Variants in PLXDC2 observed in about 807,000 individuals in gnomAD.
PLXDC2 encodes plexin domain containing 2.
A neutral mutation model predicts 68.9 loss-of-function variants in PLXDC2; 40 were observed. The observed-to-expected ratio is 0.58, with a 90% CI of 0.45 to 0.76. The LOEUF (loss-of-function observed/expected upper bound fraction) is 0.76. PLXDC2 is among the 30% of genes least tolerant of loss of function. The pLI, the probability that PLXDC2 is intolerant of heterozygous loss-of-function variation, is 0.00. For missense variants in PLXDC2, 644 were observed against 661.9 expected (o/e 0.97, Z 0.30); for synonymous variants, 243 against 234.2 (o/e 1.04, Z -0.34).
chr10:20,148,947 A>G (rs1027954763), intron 6 of PLXDC2, among the ~76,000 whole-genome samples: 2 of 152,164 alleles, frequency 1.3e-5, no homozygotes, highest in African/African-American at 4.8e-5. Flanking sequence ...TAACCATGTC[A>G]GATATTTCTA....
At chr10:20,236,554 A>G (rs1308538344) in intron 12 of PLXDC2, among the ~76,000 whole-genome samples, 5 of 152,230 alleles carry the variant, frequency 3.3e-5, no homozygotes, top group Non-Finnish European at 7.3e-5. Flanking sequence ...GATGTCATAA[A>G]GATCTTGACT....
chr10:19,901,059 A>G (rs1470710366), intron 1 of PLXDC2, among the ~76,000 whole-genome samples: 1 of 151,182 alleles, frequency 6.6e-6, no homozygotes, highest in African/African-American at 2.4e-5. Context: ...AAAACAATTT[A>G]TTTATATACT....
chr10:20,027,920 CAAA>C (rs776962854), intron 2 of PLXDC2, among the ~76,000 whole-genome samples: 2 of 151,816 alleles, frequency 1.3e-5, no homozygotes, highest in Non-Finnish European at 2.9e-5. Flanking sequence ...GTCACCATTT[CAAA>C]AACAGACTTA....
At chr10:20,005,123 T>A (rs1331717359) in intron 2 of PLXDC2, among the ~76,000 whole-genome samples, 2 of 152,220 alleles carry the variant, frequency 1.3e-5, no homozygotes, top group Non-Finnish European at 2.9e-5. Flanking sequence ...AAATGCAAGC[T>A]TTGCCAGGCT....
intron 1 of PLXDC2, among the ~76,000 whole-genome samples, chr10:19,910,822 A>G (rs1295260670): frequency 6.6e-6 from 1 of 151,894 alleles, no homozygotes; most frequent in Non-Finnish European, 1.5e-5. Flanking sequence ...CAGCCTAGTG[A>G]ACATAGTGAA....
At chr10:20,047,098 G>C in intron 3 of PLXDC2, 83 bp downstream of exon 3, 1 of 1,350,290 alleles carries the variant, frequency 7.4e-7, no homozygotes, top group Non-Finnish European at 9.9e-7. Context: ...TTTCTTTTAT[G>C]AGTTTGATAA....
intron 1 of PLXDC2, among the ~76,000 whole-genome samples, chr10:19,851,232 G>T (rs78054301): frequency 0.11 from 16,078 of 152,198 alleles, 1,111 homozygotes; most frequent in Middle Eastern, 0.23. Context: ...AAGGAATAAA[G>T]TAACATAGAT....
At chr10:19,879,660 T>C (rs1837694425) in intron 1 of PLXDC2, among the ~76,000 whole-genome samples, 1 of 152,068 alleles carries the variant, frequency 6.6e-6, no homozygotes, top group Non-Finnish European at 1.5e-5. Flanking sequence ...AACAAGAAAA[T>C]GCAGTAAAAG....
intron 1 of PLXDC2, among the ~76,000 whole-genome samples, chr10:19,981,431 G>A (rs1834547577): frequency 6.6e-6 from 1 of 152,200 alleles, no homozygotes; most frequent in African/African-American, 2.4e-5. Flanking sequence ...TCTTTCGTCA[G>A]TTTACGTAGT....
intron 3 of PLXDC2, 100 bp downstream of exon 3, chr10:20,047,115 A>T: frequency 8.1e-7 from 1 of 1,236,336 alleles, no homozygotes; most frequent in Non-Finnish European, 1.1e-6. Context: ...ATAATTAAAT[A>T]TTAGAATGGC....
intron 6 of PLXDC2, among the ~76,000 whole-genome samples, chr10:20,153,710 T>C (rs1188960242): frequency 6.6e-6 from 1 of 152,196 alleles, no homozygotes; most frequent in African/African-American, 2.4e-5. Context: ...GCTACTTTTG[T>C]CATTTACGGA....
At chr10:20,141,895 G>A (rs1161412039) in intron 4 of PLXDC2, among the ~76,000 whole-genome samples, 1 of 151,934 alleles carries the variant, frequency 6.6e-6, no homozygotes, top group Non-Finnish European at 1.5e-5. Flanking sequence ...GAAACAAGGA[G>A]TCACATAAGA....
At chr10:20,234,909 A>G (rs1183044596) in intron 12 of PLXDC2, among the ~76,000 whole-genome samples, 1 of 152,116 alleles carries the variant, frequency 6.6e-6, no homozygotes, top group East Asian at 1.9e-4. Flanking sequence ...TCCTTGGGAG[A>G]TCCAAAGGTT....
chr10:20,031,681 A>G (rs1376744734), intron 2 of PLXDC2, among the ~76,000 whole-genome samples: 2 of 152,168 alleles, frequency 1.3e-5, no homozygotes, highest in African/African-American at 2.4e-5. Context: ...AGCCAAATAA[A>G]TTAGCCTTGT....
chr10:20,256,468 A>C (rs1231610432), intron 13 of PLXDC2, among the ~76,000 whole-genome samples: 1 of 70,920 alleles, frequency 1.4e-5, no homozygotes, highest in Non-Finnish European at 4.3e-5. Context: ...ACTGCACCAA[A>C]TGTGATTCTT....
At position 19,858,513 on chromosome 10, in the gene PLXDC2, C is replaced by G. The variant is rs557093288; in HGVS notation, c.112+41322C>G. Among the ~76,000 whole-genome samples, 5 of 152,288 alleles carry G rather than the reference C, an allele frequency of 3.3e-5. No individual in the cohort carries two copies. In the East Asian group the frequency reaches 9.6e-4, roughly 29 times the overall value. On this transcript the variant is annotated intron_variant, in intron 1 of 13. Coordinates refer to ENST00000377252, the MANE Select transcript of PLXDC2 (RefSeq NM_032812.9). ...GCATTCATTGAATTAGCTAATATTA[C>G]TTTGTAAAAATATAAGTACCTTCAG...
chr10:19,874,797 G>A (rs149397445), intron 1 of PLXDC2, among the ~76,000 whole-genome samples: 4 of 152,244 alleles, frequency 2.6e-5, no homozygotes, highest in African/African-American at 4.8e-5. Context: ...TCAGAAGGCC[G>A]GAAAAGCTGA....
intron 12 of PLXDC2, among the ~76,000 whole-genome samples, chr10:20,220,293 G>A (rs1835192163): frequency 6.6e-6 from 1 of 152,120 alleles, no homozygotes; most frequent in Admixed American, 6.5e-5. Context: ...TCCCAGAGGA[G>A]GATGTTAGTA....
At chr10:19,885,903 A>G (rs1451262957) in intron 1 of PLXDC2, among the ~76,000 whole-genome samples, 1 of 152,094 alleles carries the variant, frequency 6.6e-6, no homozygotes, top group Non-Finnish European at 1.5e-5. Flanking sequence ...AGTCATTGGT[A>G]GCTTGATGGG....
Sources: allele counts gnomAD v4.1 joint callset (sites outside exome capture counted in the v4.1 genomes callset), GRCh38; gene constraint gnomAD v4.1.1; transcripts MANE v1.5; gene names NCBI Gene and HGNC (gene_info 2026-07-23, HGNC 2026-07-21).